SIL1: variants seen among roughly 807,000 people sequenced by gnomAD.
SIL1 encodes SIL1 nucleotide exchange factor, also known as nucleotide exchange factor SIL1.
Under a neutral mutation model 49.1 loss-of-function variants are expected in SIL1, and 40 were observed. The ratio of observed to expected loss-of-function variants is 0.81; its 90% CI spans 0.63 to 1.06. SIL1 has a LOEUF of 1.06. Among genes scored for constraint, SIL1 ranks in the 50% least tolerant of loss-of-function variants. The pLI is 0.00. For missense variants in SIL1, 500 were observed against 572.6 expected (o/e 0.87, Z 1.29); for synonymous variants, 253 against 250.8 (o/e 1.01, Z -0.08).
At chr5:139,065,880 A>G (rs1769693835) in intron 3 of SIL1, among the ~76,000 whole-genome samples, 1 of 152,224 alleles carries the variant, frequency 6.6e-6, no homozygotes, top group Non-Finnish European at 1.5e-5. Flanking sequence ...TTCAGGCCCT[A>G]CTGACTACTT....
chr5:138,974,029 G>C (rs965408234), intron 7 of SIL1, among the ~76,000 whole-genome samples: 1 of 152,060 alleles, frequency 6.6e-6, no homozygotes, highest in African/African-American at 2.4e-5. Flanking sequence ...GAAAGAAGAG[G>C]CTCCTCAGGT....
chr5:139,187,288 G>A (rs1397552805), intron 1 of SIL1, among the ~76,000 whole-genome samples: 2 of 152,198 alleles, frequency 1.3e-5, no homozygotes, highest in Non-Finnish European at 2.9e-5. Context: ...GGATGCCGAG[G>A]CGGGTGGATC....
chr5:138,979,074 A>AT (rs565854209), intron 7 of SIL1, among the ~76,000 whole-genome samples: 236 of 134,918 alleles, frequency 1.7e-3, no homozygotes, highest in East Asian at 3.3e-3. Context: ...ATTTTATTTT[A>AT]TTTTTTTTTT....
chr5:138,951,359 G>A (rs112109073), intron 8 of SIL1, 24 bp from the exon 9 acceptor site: 1 of 1,551,010 alleles, frequency 6.4e-7, no homozygotes, highest in Non-Finnish European at 8.7e-7. Flanking sequence ...CCCAGGGGTA[G>A]GTGAGGGGCC....
chr5:139,077,132 T>A (rs1432776762), intron 3 of SIL1, among the ~76,000 whole-genome samples: 2 of 152,062 alleles, frequency 1.3e-5, no homozygotes, highest in Non-Finnish European at 2.9e-5. Flanking sequence ...AGACTCCATC[T>A]CAAAAAAGAA....
At chr5:139,078,388 G>A (rs1769999322) in intron 3 of SIL1, among the ~76,000 whole-genome samples, 1 of 151,864 alleles carries the variant, frequency 6.6e-6, no homozygotes, top group Non-Finnish European at 1.5e-5. Context: ...AAAAAAAAAA[G>A]GGGAGGCCTT....
intron 3 of SIL1, among the ~76,000 whole-genome samples, chr5:139,059,079 C>T (rs966817687): frequency 6.6e-6 from 1 of 151,984 alleles, no homozygotes; most frequent in African/African-American, 2.4e-5. Flanking sequence ...TGTACACACA[C>T]ACATAGACAT....
intron 7 of SIL1, among the ~76,000 whole-genome samples, chr5:138,954,732 A>T (rs1766863682): frequency 2.0e-5 from 3 of 152,158 alleles, no homozygotes; most frequent in Non-Finnish European, 4.4e-5. Context: ...GGGCTGGGGG[A>T]GGCAACTACC....
At chr5:138,986,880 T>C (rs1767659616) in intron 7 of SIL1, among the ~76,000 whole-genome samples, 1 of 152,160 alleles carries the variant, frequency 6.6e-6, no homozygotes, top group Admixed American at 6.6e-5. Flanking sequence ...TTCAAACTTC[T>C]TGACATTGTA....
rs1752303123 is a variant in SIL1 at position 139,197,623 on chromosome 5, G to C, written c.-11+646C>G. ...TCCCACTCAGAGCCCCATTCCAGGG[G>C]CTCATATGTCAAGTCATTCTCTCCT... On this transcript the variant is annotated intron_variant, in intron 1 of 9. Coordinates refer to ENST00000394817, the MANE Select transcript of SIL1 (RefSeq NM_022464.5). 2.0e-5 allele frequency among the ~76,000 whole-genome samples: 3 copies of C among 152,070 alleles called. No individual in the cohort carries two copies. In the South Asian group the frequency reaches 6.2e-4, roughly 32 times the overall value.
chr5:139,050,989 T>A lies in SIL1; in HGVS notation c.302A>T (p.Glu101Val). The A allele has an allele frequency of 6.2e-7, 1 of 1,614,206 alleles. No homozygotes were observed. Among genetic ancestry groups the A allele is most frequent in the Non-Finnish European group, 8.5e-7 (1 of 1,180,032 alleles). ...VRLNLQTGER[E>V]AKLQYEDKFR... Reference sequence around the variant, plus strand: ...CTTGTCCTCATATTGGAGTTTTGCCTCTCTTTCCCCAGTCTGAAGATTCAG... The same window carrying A: ...CTTGTCCTCATATTGGAGTTTTGCCACTCTTTCCCCAGTCTGAAGATTCAG... Residue 101 changes from glutamate (E) to valine (V), a missense_variant, in exon 4 of 10, where the codon GAG (glutamate) becomes GTG (valine). By Grantham distance (121) the Glu-to-Val change is moderately radical. Transcript: ENST00000394817.
At chr5:139,097,983 T>C (rs1770506819) in intron 3 of SIL1, among the ~76,000 whole-genome samples, 1 of 152,138 alleles carries the variant, frequency 6.6e-6, no homozygotes, top group Non-Finnish European at 1.5e-5. Flanking sequence ...TGTCCATGGA[T>C]TGGAAGAATC....
At chr5:139,019,231 G>A (rs1444170088) in intron 7 of SIL1, among the ~76,000 whole-genome samples, 4 of 152,200 alleles carry the variant, frequency 2.6e-5, no homozygotes, top group African/African-American at 9.7e-5. Context: ...GGTTACAGAG[G>A]TGCAGAGCCA....
chr5:139,140,391 A>G (rs981813228), intron 1 of SIL1, among the ~76,000 whole-genome samples: 10 of 152,348 alleles, frequency 6.6e-5, no homozygotes, highest in African/African-American at 2.2e-4. Flanking sequence ...AACACTTAGC[A>G]ACAATACGAG....
intron 1 of SIL1, among the ~76,000 whole-genome samples, chr5:139,182,891 G>T (rs2151820435): frequency 6.6e-6 from 1 of 152,318 alleles, no homozygotes; most frequent in South Asian, 2.1e-4. Flanking sequence ...ACCATAATTT[G>T]CCTTGGTTTC....
chr5:139,045,803 C>T (rs1390778657), intron 4 of SIL1, among the ~76,000 whole-genome samples: 1 of 152,082 alleles, frequency 6.6e-6, no homozygotes, highest in Non-Finnish European at 1.5e-5. Flanking sequence ...TGAATCTGTG[C>T]CCCTCCCTGC....
intron 1 of SIL1, among the ~76,000 whole-genome samples, chr5:139,172,457 C>G (rs1751790652): frequency 6.6e-6 from 1 of 152,056 alleles, no homozygotes; most frequent in Non-Finnish European, 1.5e-5. Flanking sequence ...CATGGCAAAA[C>G]CCTGTCTCTA....
chr5:139,090,665 G>A (rs1445431098), intron 3 of SIL1, among the ~76,000 whole-genome samples: 2 of 152,118 alleles, frequency 1.3e-5, no homozygotes, highest in Non-Finnish European at 2.9e-5. Context: ...AGGCTGGAGT[G>A]CAGTAGTATG....
chr5:138,957,924 T>TA (rs1440147440), intron 7 of SIL1, among the ~76,000 whole-genome samples: 1 of 151,714 alleles, frequency 6.6e-6, no homozygotes, highest in Non-Finnish European at 1.5e-5. Context: ...GAAACACTTT[T>TA]TTTTTTTTTT....
Sources: gnomAD v4.1 joint callset for allele counts (sites outside exome capture counted in the v4.1 genomes callset) on GRCh38, gnomAD v4.1.1 for gene constraint, MANE v1.5 for transcripts, NCBI Gene and HGNC (gene_info 2026-07-23, HGNC 2026-07-21) for gene names.